Variants in PTPN23 observed in about 807,000 individuals in gnomAD.
PTPN23 encodes the protein tyrosine-protein phosphatase non-receptor type 23.
PTPN23 carries 72 observed loss-of-function variants against 156.3 expected under a neutral mutation model. The ratio of observed to expected loss-of-function variants is 0.46; its 90% CI spans 0.38 to 0.56. The LOEUF (loss-of-function observed/expected upper bound fraction) is 0.56. Ranked by LOEUF, PTPN23 falls within the 20% of genes least tolerant of loss-of-function variation. The pLI is 0.00. For missense variants in PTPN23, 1,974 were observed against 2,171.5 expected, an observed-to-expected ratio of 0.91 and a Z score of 1.81; for synonymous variants, 957 against 899.6, an observed-to-expected ratio of 1.06 and a Z score of -1.14.
chr3:47,391,265 A>G (rs531338906), intron 1 of PTPN23, among the ~76,000 whole-genome samples: 1 of 152,358 alleles, frequency 6.6e-6, no homozygotes, highest in Non-Finnish European at 1.5e-5. Flanking sequence ...ACAATAAAAA[A>G]TAAACTAAAA....
rs149197378 is a variant in PTPN23 at position 47,404,749 on chromosome 3, C to T, written c.257C>T (p.Ser86Leu). The T allele has an allele frequency of 2.6e-4, 419 of 1,613,802 alleles. No homozygotes were observed. The African/African-American group carries it at 4.3e-3, about 17-fold the overall frequency. The stretch of plus-strand genomic sequence containing the variant: ...CTGCAGAGTCGGGTCCCCATGGGCT[C>T]GGGCCAGGAGGCCGCTGTCCCTGTC... ...HYLQSRVPMG[S>L]GQEAAVPVTW... is the part of the protein sequence containing the mutation. The change falls in exon 3 of 25, where the codon TCG becomes TTG. Residue 86 changes from serine (S) to leucine (L), a missense_variant. Coordinates refer to ENST00000265562, the MANE Select transcript of PTPN23 (RefSeq NM_015466.4).
At position 47,408,573 on chromosome 3, in the gene PTPN23, G is replaced by C. The variant is rs1705185911; in HGVS notation, c.1330+83G>C. ...CTCCTCCGTGTCCCTGGTCACTGAG[G>C]ATGGAGGCTGCACCCCTCTAGGCCC... On this transcript the variant is annotated intron_variant, in intron 15 of 24. Coordinates refer to ENST00000265562, the MANE Select transcript of PTPN23 (RefSeq NM_015466.4). 2.6e-6 allele frequency: 4 copies of C among 1,538,556 alleles called. No homozygotes were observed. In the Admixed American group the frequency reaches 5.6e-5, roughly 22 times the overall value.
rs1169132443 is a variant in PTPN23, at chr3:47,409,093, C to T, written c.1642+6C>T. The T allele has an allele frequency of 6.8e-6, 11 of 1,608,058 alleles. No individual in the cohort carries two copies. In the Admixed American group the frequency reaches 1.3e-4, roughly 20 times the overall value. On this transcript the variant is annotated splice_donor_region_variant and intron_variant, in intron 16 of 24. Transcript: ENST00000265562. The stretch of plus-strand genomic sequence containing the variant: ...CACACCGGCCCTCTCCCCAGGTGAG[C>T]CCCACCAGACCCCATTGGGAGACTC...
At position 47,405,836 on chromosome 3, in the gene PTPN23, C is replaced by A; in HGVS notation, c.414+38C>A. On this transcript the variant is annotated intron_variant, in intron 5 of 24. Transcript: ENST00000265562. The surrounding 1 kb of genome is among the most constrained non-coding windows in gnomAD (Gnocchi z 4.7). ...GCAGTAGTGGAACATGTGGACATACCAGGGAGGGGCAGCCTCCCAAGTATG... is the reference window on the plus strand; with the variant it reads ...GCAGTAGTGGAACATGTGGACATACAAGGGAGGGGCAGCCTCCCAAGTATG... The A allele has an allele frequency of 6.3e-7, 1 of 1,589,230 alleles. No individual in the cohort carries two copies. Among genetic ancestry groups the A allele is most frequent in the East Asian group, 2.2e-5 (1 of 44,656 alleles).
At chr3:47,398,195 A>G (rs1200247491) in intron 2 of PTPN23, among the ~76,000 whole-genome samples, 1 of 152,170 alleles carries the variant, frequency 6.6e-6, no homozygotes, top group Non-Finnish European at 1.5e-5. Context: ...GCTACTAGGG[A>G]GGCTAAGGCA....
chr3:47,411,751 A>G lies in PTPN23; in HGVS notation c.3889-32A>G. On this transcript the variant is annotated intron_variant, in intron 20 of 24. Coordinates refer to ENST00000265562, the MANE Select transcript of PTPN23 (RefSeq NM_015466.4). This position sits in a 1 kb window ranked among gnomAD's most constrained non-coding sequence, Gnocchi z 6.3. ...GTGGCAGGGCAGGGGATCCTGGAAA[A>G]CCAGGTCTGTCTTGGCTTATCTGTC... The G allele has an allele frequency of 6.3e-7, 1 of 1,592,454 alleles. No homozygotes were observed. The highest frequency in any genetic ancestry group is 8.6e-7 in the Non-Finnish European group (1 of 1,165,664).
intron 1 of PTPN23, among the ~76,000 whole-genome samples, chr3:47,395,141 C>G (rs528644345): frequency 5.3e-5 from 8 of 152,334 alleles, no homozygotes; most frequent in African/African-American, 1.9e-4. Flanking sequence ...GATTCCTTAG[C>G]TATGCATCCT....
At position 47,405,275 on chromosome 3, in the gene PTPN23, G is replaced by C; in HGVS notation, c.364+194G>C. 1 of 609,868 alleles carries C rather than the reference G, an allele frequency of 1.6e-6. No homozygotes were observed. Among genetic ancestry groups the C allele is most frequent in the Admixed American group, 2.7e-5 (1 of 36,406 alleles). The allele number at this position is 609,868 out of a possible 1,614,324, so 37.8% of individuals were successfully genotyped here. ...GCTGGGCCCGTGGGGAGCCTCTGCT[G>C]GGGCGAGGCTCTACTGGGCTGGCTG... is the stretch of plus-strand genomic sequence containing the variant. On this transcript the variant is annotated intron_variant, in intron 4 of 24. Transcript: ENST00000265562. The surrounding 1 kb of genome is among the most constrained non-coding windows in gnomAD (Gnocchi z 4.7).
chr3:47,381,411 G>A (rs1704534884), intron 1 of PTPN23, among the ~76,000 whole-genome samples: 1 of 152,172 alleles, frequency 6.6e-6, no homozygotes, highest in Non-Finnish European at 1.5e-5. Context: ...ATCTGAACCC[G>A]GTTCCCGACT....
chr3:47,381,237 C>T, intron 1 of PTPN23, 57 bp downstream of exon 1: 2 of 1,544,636 alleles, frequency 1.3e-6, no homozygotes, highest in East Asian at 2.5e-5. Flanking sequence ...CGTCTGCAAG[C>T]GCGTGACGCC....
At chr3:47,383,680 T>G (rs1163632389) in intron 1 of PTPN23, among the ~76,000 whole-genome samples, 1 of 152,234 alleles carries the variant, frequency 6.6e-6, no homozygotes, top group Non-Finnish European at 1.5e-5. Flanking sequence ...GAAGTATTTT[T>G]GTTTGAACTT....
At position 47,412,614 on chromosome 3, in the gene PTPN23, G is replaced by A; in HGVS notation, c.4418G>A (p.Ser1473Asn). The change falls in exon 24 of 25, where the codon AGC becomes AAC. Residue 1473 changes from serine to asparagine, a missense_variant. By Grantham distance (46) the Ser-to-Asn change is conservative (BLOSUM62 1). This residue lies in a region of PTPN23 where 484 missense variants were observed against 516.0 expected (regional missense o/e 0.94). Transcript: ENST00000265562. The part of the protein sequence containing the change: ...PPPCKPLASA[S>N]ISQKNHLPQD... ...CCATGCAAACCCTTGGCCAGTGCAA[G>A]CATCAGCCAGAAGGTGAGGAAGGTT... is the stretch of plus-strand genomic sequence containing the variant. The A allele has an allele frequency of 6.2e-7, 1 of 1,613,462 alleles. No individual in the cohort carries two copies. Among genetic ancestry groups the A allele is most frequent in the Non-Finnish European group, 8.5e-7 (1 of 1,179,814 alleles).
rs1223240440 is a variant in PTPN23 at position 47,408,044 on chromosome 3, A to G, written c.1184+89A>G. On this transcript the variant is annotated intron_variant, in intron 14 of 24. Transcript: ENST00000265562. Reference sequence around the variant, plus strand: ...CAGGGCTGCCTATGCTGGGAGAGGAATGAAATGTCCATTCCAAACAGGTTT... The same window carrying G: ...CAGGGCTGCCTATGCTGGGAGAGGAGTGAAATGTCCATTCCAAACAGGTTT... 3.5e-6 allele frequency: 5 copies of G among 1,433,880 alleles called. No homozygotes were observed. The Admixed American group carries it at 9.7e-5, about 28-fold the overall frequency. The allele number at this position is 1,433,880 out of a possible 1,614,324, so 88.8% of individuals were successfully genotyped here.
intron 1 of PTPN23, among the ~76,000 whole-genome samples, chr3:47,389,037 C>G (rs1227918750): frequency 1.3e-5 from 2 of 152,114 alleles, no homozygotes; most frequent in East Asian, 3.9e-4. Context: ...TCCACTCCCC[C>G]ACCCCACTCC....
rs1345024070 is a variant in PTPN23, at chr3:47,405,584, T to G, written c.365-165T>G. ...CAGGAGACTGAGGGCTGGGCAGGAC[T>G]TCTGAGTTTCCCTGTTCCCTCCAGC... is the stretch of plus-strand genomic sequence containing the variant. On this transcript the variant is annotated intron_variant, in intron 4 of 24. Transcript: ENST00000265562. The surrounding 1 kb of genome is among the most constrained non-coding windows in gnomAD (Gnocchi z 4.7). 4.3e-6 allele frequency: 3 copies of G among 694,154 alleles called. No individual in the cohort carries two copies. In the East Asian group the frequency reaches 8.1e-5, roughly 19 times the overall value. 43.0% of individuals were successfully genotyped at this position (694,154 alleles called of 1,614,324 possible).
In PTPN23 at chr3:47,406,182, C is replaced by A; in HGVS notation, c.546+136C>A. On this transcript the variant is annotated intron_variant, in intron 6 of 24. Transcript: ENST00000265562. This position sits in a 1 kb window ranked among gnomAD's most constrained non-coding sequence, Gnocchi z 5.8. ...CCTTGGCTTTGTTGAATCAGGAGCACCGTGGTGCTGCTTGGAGTGGGGGCA... is the reference window on the plus strand; with the variant it reads ...CCTTGGCTTTGTTGAATCAGGAGCAACGTGGTGCTGCTTGGAGTGGGGGCA... 1 of 1,479,918 alleles carries A rather than the reference C, an allele frequency of 6.8e-7. No individual in the cohort carries two copies. The highest frequency in any genetic ancestry group is 9.2e-7 in the Non-Finnish European group (1 of 1,090,660). 91.7% of individuals were successfully genotyped at this position (1,479,918 alleles called of 1,614,324 possible).
At position 47,407,792 on chromosome 3, in the gene PTPN23, G is replaced by A. The variant is rs772232549; in HGVS notation, c.1099G>A (p.Glu367Lys). The A allele has an allele frequency of 1.4e-5, 23 of 1,613,938 alleles. No individual in the cohort carries two copies. The highest frequency in any genetic ancestry group is 3.3e-5 in the South Asian group (3 of 91,086). The change falls in exon 13 of 25, where the codon GAG becomes AAG. Residue 367 changes from glutamate (E) to lysine (K), a missense_variant. Glu to Lys is a moderately conservative substitution (Grantham distance 56). Transcript: ENST00000265562. This position sits in a 1 kb window ranked among gnomAD's most constrained non-coding sequence, Gnocchi z 4.0. ...FAKLVPMAAHEASSLYSEEKA... is the reference protein window; with the variant it reads ...FAKLVPMAAHKASSLYSEEKA... ...CAAACTGGTACCCATGGCTGCCCACGAGGCCTCGTCACTGTACAGGTGGGT... is the reference window on the plus strand; with the variant it reads ...CAAACTGGTACCCATGGCTGCCCACAAGGCCTCGTCACTGTACAGGTGGGT...
In PTPN23 at chr3:47,411,819, C is replaced by A. The variant is rs1186383753; in HGVS notation, c.3925C>A (p.Gln1309Lys). ...ACGCTACTTCCCCACCGAGAGGGGCCAGCCCATGGTGCACGGTGCCCTGAG... is the reference window on the plus strand; with the variant it reads ...ACGCTACTTCCCCACCGAGAGGGGCAAGCCCATGGTGCACGGTGCCCTGAG... ...VARYFPTERG[Q>K]PMVHGALSLA... Residue 1309 changes from glutamine to lysine, a missense_variant, in exon 21 of 25, where the codon CAG becomes AAG. Gln to Lys is a moderately conservative substitution (Grantham distance 53). Coordinates refer to ENST00000265562, the MANE Select transcript of PTPN23 (RefSeq NM_015466.4). This position sits in a 1 kb window ranked among gnomAD's most constrained non-coding sequence, Gnocchi z 6.3. 1 of 1,611,992 alleles carries A rather than the reference C, an allele frequency of 6.2e-7. No homozygotes were observed. Among genetic ancestry groups the A allele is most frequent in the Non-Finnish European group, 8.5e-7 (1 of 1,179,086 alleles).
chr3:47,404,509 G>A (rs1705075394), intron 2 of PTPN23, 143 bp from the exon 3 acceptor site: 2 of 1,033,020 alleles, frequency 1.9e-6, no homozygotes, highest in Non-Finnish European at 2.9e-6. Context: ...ACGACTATAG[G>A]TATAGCCATG....
Sources: allele counts gnomAD v4.1 joint callset (sites outside exome capture counted in the v4.1 genomes callset), GRCh38; gene constraint gnomAD v4.1.1; regional missense constraint gnomAD v4.1.1; non-coding constraint Gnocchi (gnomAD v3.1); transcripts MANE v1.5; gene names NCBI Gene and HGNC (gene_info 2026-07-23, HGNC 2026-07-21).